The following TRPM2 variants were observed in gnomAD, a reference collection of about 807,000 sequenced individuals.
TRPM2 encodes the protein estrogen-responsive element-associated gene 1 protein.
A neutral mutation model predicts 174.0 loss-of-function variants in TRPM2; 161 were observed. That is an observed-to-expected ratio of 0.93 (90% CI 0.81 to 1.05). TRPM2 has a LOEUF of 1.05. Ranked by LOEUF, TRPM2 falls within the 50% of genes least tolerant of loss-of-function variation. The pLI, the probability that TRPM2 is intolerant of heterozygous loss-of-function variation, is 0.00. For synonymous variants in TRPM2, 954 were observed against 861.3 expected (o/e 1.11, Z -1.88); for missense variants, 2,057 against 2,038.0 (o/e 1.01, Z -0.18).
intron 27 of TRPM2, among the ~76,000 whole-genome samples, chr21:44,429,272 C>CTTT (rs1601245878): frequency 6.4e-5 from 4 of 62,328 alleles, no homozygotes; most frequent in African/African-American, 1.7e-4. Flanking sequence ...ACATTTTTTT[C>CTTT]TTTTTCTTTT....
Position 44,439,266 on chromosome 21 carries a change from G to C in TRPM2, c.4269+98G>C. 8.9e-7 allele frequency: 1 copy of C among 1,126,610 alleles called. No homozygotes were observed. The highest frequency in any genetic ancestry group is 1.3e-6 in the Non-Finnish European group (1 of 767,108). 69.8% of individuals were successfully genotyped at this position (1,126,610 alleles called of 1,614,324 possible). On this transcript the variant is annotated intron_variant, in intron 30 of 31. Transcript: ENST00000397928. This position sits in a 1 kb window ranked among gnomAD's most constrained non-coding sequence, Gnocchi z 5.1. ...GGGACCTGCCCCAGCACCACTGGGT[G>C]GCAGCGGTCCCACCCAGCTTCACCA...
At chr21:44,393,674 T>A (rs7280723) in intron 11 of TRPM2, among the ~76,000 whole-genome samples, 5,775 of 152,112 alleles carry the variant, frequency 0.038, 326 homozygotes, top group African/African-American at 0.12. Context: ...CTTTTTTTTT[T>A]AATTGGTAAT....
intron 27 of TRPM2, among the ~76,000 whole-genome samples, chr21:44,428,088 G>C (rs2146388219): frequency 6.6e-6 from 1 of 152,294 alleles, no homozygotes; most frequent in African/African-American, 2.4e-5. Flanking sequence ...GGCTTTAGTA[G>C]TGCAGAAGAG....
At chr21:44,437,722 T>C (rs1359951350) in intron 29 of TRPM2, among the ~76,000 whole-genome samples, 1 of 151,946 alleles carries the variant, frequency 6.6e-6, no homozygotes, top group Non-Finnish European at 1.5e-5. Flanking sequence ...TGGGGAGGGG[T>C]GCACACAATC....
intron 9 of TRPM2, 89 bp from the exon 10 acceptor site, chr21:44,390,815 G>A (rs1393162572): frequency 1.3e-6 from 2 of 1,573,212 alleles, no homozygotes; most frequent in Non-Finnish European, 1.7e-6. Context: ...AAGGGCTCAT[G>A]ACACATCCCT....
chr21:44,394,017 C>T (rs137872369), intron 11 of TRPM2, among the ~76,000 whole-genome samples: 84 of 151,982 alleles, frequency 5.5e-4, no homozygotes, highest in African/African-American at 1.9e-3. Context: ...GGATTACAGG[C>T]GCCCACCACC....
intron 9 of TRPM2, 152 bp downstream of exon 9, chr21:44,382,972 AG>A (rs2048927049): frequency 1.4e-6 from 1 of 721,676 alleles, no homozygotes; most frequent in South Asian, 1.8e-5. Context: ...GGCGACGTGC[AG>A]GTGGGCGCCT....
In TRPM2 at chr21:44,354,011, C is replaced by A; in HGVS notation, c.165+146C>A. On this transcript the variant is annotated intron_variant, in intron 1 of 31. Coordinates refer to ENST00000397928, the MANE Select transcript of TRPM2 (RefSeq NM_003307.4). The surrounding 1 kb of genome is among the most constrained non-coding windows in gnomAD (Gnocchi z 4.3). ...CTGCCCAACCATACCTTTGGGAGAA[C>A]AGAACTGGGGAGGGTGATGCGTGTC... 2.1e-6 allele frequency: 2 copies of A among 966,712 alleles called. No homozygotes were observed. Among genetic ancestry groups the A allele is most frequent in the Non-Finnish European group, 1.5e-6 (1 of 678,100 alleles). 59.9% of individuals were successfully genotyped at this position (966,712 alleles called of 1,614,324 possible).
chr21:44,398,023 C>T, intron 13 of TRPM2, 147 bp downstream of exon 13: 1 of 1,047,256 alleles, frequency 9.5e-7, no homozygotes, highest in South Asian at 3.0e-5. Flanking sequence ...ACCCTGGGGT[C>T]CTCATCCCGG....
intron 27 of TRPM2, among the ~76,000 whole-genome samples, chr21:44,430,941 G>C (rs949508490): frequency 1.3e-5 from 2 of 148,212 alleles, no homozygotes; most frequent in Non-Finnish European, 3.0e-5. Flanking sequence ...TTTGAGCATT[G>C]ATATTTATTA....
At chr21:44,353,209 A>C (rs1315474843), upstream of TRPM2, 1 of 152,572 alleles carries the variant, frequency 6.6e-6, no homozygotes, top group Non-Finnish European at 1.5e-5. Flanking sequence ...GCTATTTAAA[A>C]AAATTTTGGA....
chr21:44,382,911 T>C (rs1490193474), intron 9 of TRPM2, 91 bp downstream of exon 9: 3 of 1,302,998 alleles, frequency 2.3e-6, no homozygotes, highest in Non-Finnish European at 3.2e-6. Flanking sequence ...GCCATGATTC[T>C]GGGAACCAGA....
In TRPM2 at chr21:44,401,893, G is replaced by A. The variant is rs758183245; in HGVS notation, c.2534G>A (p.Arg845Gln). The change falls in exon 16 of 32, where the codon CGG (arginine) becomes CAG (glutamine). Residue 845 changes from arginine to glutamine, a missense_variant. Coordinates refer to ENST00000397928, the MANE Select transcript of TRPM2 (RefSeq NM_003307.4). Reference sequence around the variant, plus strand: ...TTCTCCTTGGTGTGCGAGGAGATGCGGCAGGTACAGCCCCACCCGCTTTTC... The same window carrying A: ...TTCTCCTTGGTGTGCGAGGAGATGCAGCAGGTACAGCCCCACCCGCTTTTC... ...WLFSLVCEEMRQLFYDPDECG... is the reference protein window; with the variant it reads ...WLFSLVCEEMQQLFYDPDECG... 6.8e-6 allele frequency: 11 copies of A among 1,613,520 alleles called. No homozygotes were observed. Among genetic ancestry groups the A allele is most frequent in the Middle Eastern group, 1.6e-4 (1 of 6,084 alleles).
rs2049155644 is a variant in TRPM2, at chr21:44,390,994, G to T, written c.1409G>T (p.Ser470Ile). 6.2e-7 allele frequency: 1 copy of T among 1,613,974 alleles called. No individual in the cohort carries two copies. Among genetic ancestry groups the T allele is most frequent in the Non-Finnish European group, 8.5e-7 (1 of 1,180,040 alleles). The change falls in exon 10 of 32, where the codon AGT becomes ATT. Residue 470 changes from serine to isoleucine, a missense_variant. By Grantham distance (142) the Ser-to-Ile change is moderately radical (BLOSUM62 -2). Transcript: ENST00000397928. The stretch of plus-strand genomic sequence containing the variant: ...TGGAATCGCGTGGACATTGCCCGCA[G>T]TGAGATCTTCATGGATGAGTGGCAG... Reference protein sequence around the residue: ...VAWNRVDIARSEIFMDEWQWK... With the variant: ...VAWNRVDIARIEIFMDEWQWK...
intron 23 of TRPM2, among the ~76,000 whole-genome samples, chr21:44,424,173 C>T (rs6518186): frequency 0.7 from 106,297 of 152,110 alleles, 37,719 homozygotes; most frequent in Non-Finnish European, 0.76. Flanking sequence ...ACAGCACCTG[C>T]GGCCACGGCA....
chr21:44,373,616 C>A (rs767689046), intron 5 of TRPM2, among the ~76,000 whole-genome samples: 8 of 119,574 alleles, frequency 6.7e-5, no homozygotes, highest in Non-Finnish European at 1.4e-4. Flanking sequence ...GCATTATATG[C>A]GACCTGCATT....
chr21:44,376,957 AG>A lies in TRPM2; in HGVS notation c.953-754del, dbSNP rs1323689386. Among the ~76,000 whole-genome samples the A allele has an allele frequency of 6.6e-6, 1 of 150,950 alleles. No homozygotes were observed. Among genetic ancestry groups the A allele is most frequent in the Non-Finnish European group, 1.5e-5 (1 of 67,874 alleles). On this transcript the variant is annotated intron_variant, in intron 6 of 31. Transcript: ENST00000397928. This position sits in a 1 kb window ranked among gnomAD's most constrained non-coding sequence, Gnocchi z 4.2. ...CACACTTTGAGAACCCTGCTTGACT[AG>A]TAGGAGCACGTTCCCTGGTGAGGAC...
intron 2 of TRPM2, 92 bp from the exon 3 acceptor site, chr21:44,364,022 G>T (rs1390269081): frequency 2.9e-6 from 4 of 1,400,954 alleles, no homozygotes; most frequent in Non-Finnish European, 3.8e-6. Context: ...GTGGGGGAAG[G>T]TTGCGGCTTT....
At chr21:44,400,648 A>G (rs1051140508) in intron 15 of TRPM2, among the ~76,000 whole-genome samples, 3 of 152,350 alleles carry the variant, frequency 2.0e-5, no homozygotes, top group African/African-American at 7.2e-5. Context: ...AGGCCAGGAA[A>G]GATGGTCTCC....
Sources: allele counts gnomAD v4.1 joint callset (sites outside exome capture counted in the v4.1 genomes callset), GRCh38; gene constraint gnomAD v4.1.1; non-coding constraint Gnocchi (gnomAD v3.1); transcripts MANE v1.5; gene names NCBI Gene and HGNC (gene_info 2026-07-23, HGNC 2026-07-21).